The following CATSPERE variants were observed in gnomAD, a reference collection of about 807,000 sequenced individuals.
The protein encoded by CATSPERE is cation channel sperm-associated auxiliary subunit epsilon.
Under a neutral mutation model 114.1 loss-of-function variants are expected in CATSPERE, and 93 were observed. The observed-to-expected ratio is 0.81, with a 90% CI of 0.69 to 0.97. The LOEUF (loss-of-function observed/expected upper bound fraction) is 0.97. CATSPERE is among the 50% of genes least tolerant of loss of function. CATSPERE has a pLI of 0.00. For missense variants in CATSPERE, 1,058 were observed against 1,131.6 expected (o/e 0.93, Z 0.93); for synonymous variants, 341 against 384.1 (o/e 0.89, Z 1.31).
In CATSPERE at chr1:244,461,480, C is replaced by A; in HGVS notation, c.51C>A (p.Gly17=). ...AVLLLWLSCY[G]SALWRYSTNS... ...TGCTGCTGTGGCTGAGCTGCTATGG[C>A]TCCGCCCTTTGGAGGTAGAGAGACG... Residue 17 remains glycine, a synonymous_variant, in exon 1 of 22, where the codon GGC becomes GGA. Coordinates refer to ENST00000366534, the MANE Select transcript of CATSPERE (RefSeq NM_001130957.2). The A allele has an allele frequency of 7.5e-7, 1 of 1,335,094 alleles. No homozygotes were observed. Among genetic ancestry groups the A allele is most frequent in the Non-Finnish European group, 9.7e-7 (1 of 1,035,708 alleles). 82.7% of individuals were successfully genotyped at this position (1,335,094 alleles called of 1,614,324 possible). A position where few individuals can be genotyped will look rare whatever the true frequency, so the allele number is the denominator to read the frequency against.
chr1:244,547,132 G>A (rs932886885), intron 8 of CATSPERE, among the ~76,000 whole-genome samples: 3 of 152,128 alleles, frequency 2.0e-5, no homozygotes, highest in African/African-American at 7.2e-5. Flanking sequence ...CCTAGCATCA[G>A]ACTTCTCAGC....
chr1:244,452,436 A>C (rs1665687383), upstream of CATSPERE, among the ~76,000 whole-genome samples: 1 of 152,248 alleles, frequency 6.6e-6, no homozygotes, highest in South Asian at 2.1e-4. Context: ...GTAAGTGTAG[A>C]ATTGGAAATT....
chr1:244,621,109 T>TAAA (rs1672143416), intron 20 of CATSPERE, among the ~76,000 whole-genome samples: 2 of 34,692 alleles, frequency 5.8e-5, no homozygotes, highest in African/African-American at 1.9e-4. Flanking sequence ...TATATAAATA[T>TAAA]ATATATAATA....
chr1:244,595,471 G>C (rs1236734427), intron 17 of CATSPERE, among the ~76,000 whole-genome samples: 4 of 152,156 alleles, frequency 2.6e-5, no homozygotes, highest in African/African-American at 4.8e-5. Flanking sequence ...AGTCTTTCAA[G>C]TAAAACAGAC....
intron 7 of CATSPERE, among the ~76,000 whole-genome samples, chr1:244,508,280 G>A (rs1428755581): frequency 6.6e-6 from 1 of 150,886 alleles, no homozygotes; most frequent in Non-Finnish European, 1.5e-5. Flanking sequence ...ATTGGTGTAA[G>A]AAACACTACT....
chr1:244,463,495 A>G (rs572333810), intron 1 of CATSPERE, among the ~76,000 whole-genome samples: 16 of 152,262 alleles, frequency 1.1e-4, no homozygotes, highest in Admixed American at 3.9e-4. Context: ...AGCCAAGATC[A>G]CTGCACTGTA....
At chr1:244,500,117 A>G (rs1350419890) in intron 7 of CATSPERE, among the ~76,000 whole-genome samples, 3 of 151,956 alleles carry the variant, frequency 2.0e-5, no homozygotes, top group South Asian at 2.1e-4. Context: ...CTTTTTTTTC[A>G]TATGTTTGCT....
intron 7 of CATSPERE, among the ~76,000 whole-genome samples, chr1:244,514,908 A>G (rs1676376996): frequency 2.6e-5 from 4 of 152,032 alleles, no homozygotes; most frequent in Admixed American, 2.0e-4. Context: ...TTAATAACGT[A>G]TCAGCATCAA....
At chr1:244,558,114 G>A (rs1661947809) in intron 9 of CATSPERE, among the ~76,000 whole-genome samples, 1 of 145,004 alleles carries the variant, frequency 6.9e-6, no homozygotes, top group Non-Finnish European at 1.5e-5. Flanking sequence ...CCATGCCCAG[G>A]CCCAATTATT....
Position 244,607,105 on chromosome 1 carries a change from C to T in CATSPERE, c.2403+1311C>T, listed in dbSNP as rs182144393. Among the ~76,000 whole-genome samples the T allele has an allele frequency of 5.4e-3, 827 of 152,164 alleles. 2 individuals are homozygous for T. Among genetic ancestry groups the T allele is most frequent in the Non-Finnish European group, 7.3e-3 (494 of 67,996 alleles). ...CTTTCCATTATGCCTCAAGGTTAAA[C>T]GCTCTAGATCCTTCTTCAATAAAAG... is the stretch of plus-strand genomic sequence containing the variant. On this transcript the variant is annotated intron_variant, in intron 18 of 21. Coordinates refer to ENST00000366534, the MANE Select transcript of CATSPERE (RefSeq NM_001130957.2). This position sits in a 1 kb window ranked among gnomAD's most constrained non-coding sequence, Gnocchi z 4.4.
rs144305854 is a variant in CATSPERE, at chr1:244,497,953, C to G, written c.352-1049C>G. ...TCACCACTGAGAGGGCATATTGGTG[C>G]AACTGCTGCAGAGAGCAGTTTATCA... On this transcript the variant is annotated intron_variant, in intron 6 of 21. Transcript: ENST00000366534. 1.3e-3 allele frequency among the ~76,000 whole-genome samples: 201 copies of G among 152,182 alleles called. 2 individuals carry two copies. Among genetic ancestry groups the G allele is most frequent in the African/African-American group, 4.7e-3 (195 of 41,528 alleles).
At chr1:244,597,215 C>A (rs1390985126) in intron 17 of CATSPERE, among the ~76,000 whole-genome samples, 5 of 152,190 alleles carry the variant, frequency 3.3e-5, no homozygotes, top group Admixed American at 6.5e-5. Context: ...TCTCTTGACC[C>A]TACTAGCCCT....
At chr1:244,596,694 G>A (rs1359400627) in intron 17 of CATSPERE, among the ~76,000 whole-genome samples, 4 of 151,462 alleles carry the variant, frequency 2.6e-5, no homozygotes, top group Non-Finnish European at 4.4e-5. Context: ...CTTGATAGGC[G>A]CAGCAAACCA....
In CATSPERE at chr1:244,633,951, G is replaced by A. The variant is rs1043017416; in HGVS notation, c.2649-1538G>A. ...GCGATCTCCGCTCACTGCAACCTAC[G>A]CCTCCCGGTTCAAGCAATTCTCCTG... On this transcript the variant is annotated intron_variant, in intron 20 of 21. Coordinates refer to ENST00000366534, the MANE Select transcript of CATSPERE (RefSeq NM_001130957.2). This position sits in a 1 kb window ranked among gnomAD's most constrained non-coding sequence, Gnocchi z 4.1. Among the ~76,000 whole-genome samples, 1 of 149,912 alleles carries A rather than the reference G, an allele frequency of 6.7e-6. No individual in the cohort carries two copies. The highest frequency in any genetic ancestry group is 6.7e-5 in the Admixed American group (1 of 14,894).
Position 244,593,268 on chromosome 1 carries a change from CT to C in CATSPERE, c.2190-126del, listed in dbSNP as rs1045358695. On this transcript the variant is annotated intron_variant, in intron 15 of 21. Coordinates refer to ENST00000366534, the MANE Select transcript of CATSPERE (RefSeq NM_001130957.2). ...GTGTGGATATACATGTAGAAAGTGC[CT>C]CAGTATTTCATAATTATATTTATCT... 1,039 of 900,624 alleles carry C rather than the reference CT, an allele frequency of 1.2e-3. 3 individuals are homozygous for C. Among genetic ancestry groups the C allele is most frequent in the East Asian group, 2.3e-3 (94 of 40,524 alleles). 55.8% of individuals were successfully genotyped at this position (900,624 alleles called of 1,614,324 possible). A position where few individuals can be genotyped will look rare whatever the true frequency, so the allele number is the denominator to read the frequency against.
chr1:244,635,399 AT>A, intron 20 of CATSPERE, 89 bp from the exon 21 acceptor site: 1 of 895,012 alleles, frequency 1.1e-6, no homozygotes, highest in Non-Finnish European at 1.8e-6. Context: ...AGGATTATAT[AT>A]GGTTTGATTG....
chr1:244,468,673 C>T (rs1667994203), intron 2 of CATSPERE, among the ~76,000 whole-genome samples: 1 of 152,036 alleles, frequency 6.6e-6, no homozygotes, highest in Non-Finnish European at 1.5e-5. Context: ...AATCCCAGCA[C>T]TTTGGGAGGC....
At chr1:244,577,611 C>G (rs1045316624) in intron 11 of CATSPERE, among the ~76,000 whole-genome samples, 1 of 152,194 alleles carries the variant, frequency 6.6e-6, no homozygotes, top group Non-Finnish European at 1.5e-5. Context: ...CCTCACATGG[C>G]AGAAGGGGCA....
At chr1:244,615,572 A>G (rs138681345) in intron 19 of CATSPERE, among the ~76,000 whole-genome samples, 39 of 151,872 alleles carry the variant, frequency 2.6e-4, no homozygotes, top group African/African-American at 9.2e-4. Context: ...TATAGTGAAT[A>G]ACGTAAGGAA....
Sources: gnomAD v4.1 joint callset for allele counts (sites outside exome capture counted in the v4.1 genomes callset) on GRCh38, gnomAD v4.1.1 for gene constraint, Gnocchi (gnomAD v3.1) non-coding constraint, MANE v1.5 for transcripts, NCBI Gene and HGNC (gene_info 2026-07-23, HGNC 2026-07-21) for gene names.